Variants in GRIP2 observed in about 807,000 individuals in gnomAD.
GRIP2 encodes glutamate receptor interacting protein 2.
A neutral mutation model predicts 108.3 loss-of-function variants in GRIP2; 58 were observed. That is an observed-to-expected ratio of 0.54 (90% CI 0.43 to 0.67). GRIP2 has a LOEUF of 0.67. Ranked by LOEUF, GRIP2 falls within the 30% of genes least tolerant of loss-of-function variation. GRIP2 has a pLI of 0.00. For missense variants in GRIP2, 1,278 were observed against 1,430.6 expected (o/e 0.89, Z 1.72); for synonymous variants, 586 against 598.2 (o/e 0.98, Z 0.30).
the GRIP2 span, among the ~76,000 whole-genome samples, chr3:14,577,819 C>A: frequency 6.6e-6 from 1 of 152,210 alleles, no homozygotes; most frequent in African/African-American, 2.4e-5. Flanking sequence ...CACTGGCACA[C>A]AGTGGATGCT....
intron 10 of GRIP2, 128 bp from the exon 11 acceptor site, chr3:14,517,341 T>C (rs889376665): frequency 6.3e-6 from 6 of 948,192 alleles, no homozygotes; most frequent in Non-Finnish European, 9.1e-6. Context: ...CATCAGTTAC[T>C]CATTGTGTGA....
At chr3:14,530,245 A>G (rs34509812) in intron 1 of GRIP2, among the ~76,000 whole-genome samples, 16,091 of 152,280 alleles carry the variant, frequency 0.11, 1,034 homozygotes, top group Non-Finnish European at 0.14. Context: ...TCTCAGTACC[A>G]ACTTGGGAAA....
At chr3:14,504,235 T>C (rs1039405069) in intron 20 of GRIP2, among the ~76,000 whole-genome samples, 4 of 152,138 alleles carry the variant, frequency 2.6e-5, no homozygotes, top group African/African-American at 9.7e-5. Flanking sequence ...ATTTTGACAC[T>C]TCGCAAAGCC....
At chr3:14,551,541 A>T (rs1478811588) in intron 1 of GRIP2, among the ~76,000 whole-genome samples, 1 of 152,010 alleles carries the variant, frequency 6.6e-6, no homozygotes, top group Non-Finnish European at 1.5e-5. Flanking sequence ...TCCTGTGGGG[A>T]GCGGGGCTCA....
At chr3:14,590,291 T>C in the GRIP2 span, among the ~76,000 whole-genome samples, 2 of 152,236 alleles carry the variant, frequency 1.3e-5, no homozygotes, top group Non-Finnish European at 2.9e-5. Flanking sequence ...ACTTTTCTTA[T>C]TGATTTGCAG....
At chr3:14,554,213 C>T (rs1695197898) in intron 1 of GRIP2, among the ~76,000 whole-genome samples, 1 of 152,214 alleles carries the variant, frequency 6.6e-6, no homozygotes, top group Non-Finnish European at 1.5e-5. Context: ...TCCAAGGCCA[C>T]ACAGGGAGTA....
upstream of GRIP2, chr3:14,556,128 C>A: frequency 2.5e-6 from 1 of 395,966 alleles, no homozygotes; most frequent in Non-Finnish European, 4.4e-6. Context: ...CCGGAGCCAG[C>A]GGTGGCATTG....
chr3:14,517,494 C>CTTTTTTTTTTTTTTT lies in GRIP2; in HGVS notation c.1156+263_1156+277dup, dbSNP rs146509076. On this transcript the variant is annotated intron_variant, in intron 10 of 23. Coordinates refer to ENST00000621039, the MANE Select transcript of GRIP2 (RefSeq NM_001080423.4). ...GAGGCAGGCCACCTAATCTCTCTCTCTTTTTTTTTTTTTTTTTTTTTTTTT... is the reference window on the plus strand; with the variant it reads ...GAGGCAGGCCACCTAATCTCTCTCTCTTTTTTTTTTTTTTTTTTTTTTTTTTTTTTTTTTTTTTTT... Among the ~76,000 whole-genome samples the CTTTTTTTTTTTTTTT allele has an allele frequency of 6.5e-5, 7 of 107,754 alleles. 3 individuals are homozygous for CTTTTTTTTTTTTTTT. The highest frequency in any genetic ancestry group is 7.6e-5 in the African/African-American group (2 of 26,268). 70.7% of individuals were successfully genotyped at this position (107,754 alleles called of 152,430 possible).
At position 14,491,878 on chromosome 3, in the gene GRIP2, C is replaced by G. The variant is rs542880867; in HGVS notation, c.*1787G>C. 6.6e-6 allele frequency: 1 copy of G among 152,400 alleles called. No homozygotes were observed. The highest frequency in any genetic ancestry group is 1.9e-4 in the East Asian group (1 of 5,178). The allele number at this position is 152,400 out of a possible 1,614,324, so 9.4% of individuals were successfully genotyped here. A position where few individuals can be genotyped will look rare whatever the true frequency, so the allele number is the denominator to read the frequency against. ...TTGGCTTTCACTTGGTGCCCTGTGA[C>G]AGGTAGACAGTGCCCTTTCACTCTG... is the stretch of plus-strand genomic sequence containing the variant. On this transcript the variant is annotated 3_prime_UTR_variant, in exon 24 of 24. Coordinates refer to ENST00000621039, the MANE Select transcript of GRIP2 (RefSeq NM_001080423.4).
At chr3:14,600,287 T>G in the GRIP2 span, among the ~76,000 whole-genome samples, 1 of 152,202 alleles carries the variant, frequency 6.6e-6, no homozygotes, top group Non-Finnish European at 1.5e-5. Flanking sequence ...AGAACTGGCA[T>G]TTCTTAAGCA....
intron 2 of GRIP2, 52 bp from the exon 3 acceptor site, chr3:14,525,624 G>A: frequency 1.2e-6 from 2 of 1,606,272 alleles, no homozygotes; most frequent in South Asian, 2.2e-5. Flanking sequence ...GCCACCCCAG[G>A]CCCCCAGCTC....
Position 14,540,234 on chromosome 3 carries a change from C to G in GRIP2, c.40+35G>C. 1 of 1,611,354 alleles carries G rather than the reference C, an allele frequency of 6.2e-7. No homozygotes were observed. The highest frequency in any genetic ancestry group is 8.5e-7 in the Non-Finnish European group (1 of 1,178,378). Reference sequence around the variant, plus strand: ...CTCCAGAGGGATCTATGTGTTCAGCCCCATCACTCTGCCCACAGACCCCCC... The same window carrying G: ...CTCCAGAGGGATCTATGTGTTCAGCGCCATCACTCTGCCCACAGACCCCCC... On this transcript the variant is annotated intron_variant, in intron 1 of 23. Transcript: ENST00000621039. This position sits in a 1 kb window ranked among gnomAD's most constrained non-coding sequence, Gnocchi z 4.1.
the GRIP2 span, among the ~76,000 whole-genome samples, chr3:14,571,015 C>T: frequency 2.6e-5 from 4 of 152,162 alleles, no homozygotes; most frequent in East Asian, 7.7e-4. Flanking sequence ...TTGGCAGCAT[C>T]CCTGTCCCCT....
rs374763561 is a variant in GRIP2 at position 14,511,798 on chromosome 3, C to T, written c.1721-319G>A. Among the ~76,000 whole-genome samples, 7 of 152,222 alleles carry T rather than the reference C, an allele frequency of 4.6e-5. No homozygotes were observed. Among genetic ancestry groups the T allele is most frequent in the Non-Finnish European group, 7.3e-5 (5 of 68,048 alleles). ...GCTCAGCCCATCCCCCAGCAAACTG[C>T]GAGCTCTTTGTGGAGGGGGGCTGTC... On this transcript the variant is annotated intron_variant, in intron 14 of 23. Coordinates refer to ENST00000621039, the MANE Select transcript of GRIP2 (RefSeq NM_001080423.4). The surrounding 1 kb of genome is among the most constrained non-coding windows in gnomAD (Gnocchi z 4.1).
rs577829471 is a variant in GRIP2, at chr3:14,509,710, T to G, written c.2078+110A>C. 3.6e-6 allele frequency: 4 copies of G among 1,117,314 alleles called. No homozygotes were observed. The Admixed American group carries it at 1.5e-4, about 43-fold the overall frequency. 69.2% of individuals were successfully genotyped at this position (1,117,314 alleles called of 1,614,324 possible). On this transcript the variant is annotated intron_variant, in intron 17 of 23. Coordinates refer to ENST00000621039, the MANE Select transcript of GRIP2 (RefSeq NM_001080423.4). ...GTGACTGGCCCAATGTCACCCACAG[T>G]GTCAATGTTGGAACAGAGGTCAGAA...
chr3:14,520,253 T>A lies in GRIP2; in HGVS notation c.887A>T (p.His296Leu). The change falls in exon 9 of 24, where the codon CAC (histidine) becomes CTC (leucine). Residue 296 changes from histidine to leucine, a missense_variant. By Grantham distance (99) the His-to-Leu change is moderately conservative (BLOSUM62 -3). Coordinates refer to ENST00000621039, the MANE Select transcript of GRIP2 (RefSeq NM_001080423.4). Reference protein sequence around the residue: ...DRSGALHPGDHILSIDGTSME... With the variant: ...DRSGALHPGDLILSIDGTSME... The stretch of plus-strand genomic sequence containing the variant: ...GCTGGTGCCATCGATGGACAGGATG[T>A]GGTCTCCAGGGTGCAGGGCTCCGCT... 6.2e-7 allele frequency: 1 copy of A among 1,613,856 alleles called. No individual in the cohort carries two copies. Among genetic ancestry groups the A allele is most frequent in the Non-Finnish European group, 8.5e-7 (1 of 1,179,864 alleles).
At chr3:14,566,445 C>T in the GRIP2 span, among the ~76,000 whole-genome samples, 4 of 152,242 alleles carry the variant, frequency 2.6e-5, no homozygotes, top group East Asian at 1.9e-4. Flanking sequence ...GCAGGCATTA[C>T]GCTCATGGAT....
At chr3:14,558,320 T>C (rs1695267182), upstream of GRIP2, among the ~76,000 whole-genome samples, 1 of 152,182 alleles carries the variant, frequency 6.6e-6, no homozygotes, top group African/African-American at 2.4e-5. Flanking sequence ...TGGGCCAGGC[T>C]GTGGGCCGAG....
chr3:14,506,513 A>T (rs1445562834), intron 19 of GRIP2, among the ~76,000 whole-genome samples: 1 of 152,182 alleles, frequency 6.6e-6, no homozygotes, highest in African/African-American at 2.4e-5. Context: ...ACAGTAGAAG[A>T]AAGACCAACT....
Sources: gnomAD v4.1 joint callset for allele counts (sites outside exome capture counted in the v4.1 genomes callset) on GRCh38, gnomAD v4.1.1 for gene constraint, Gnocchi (gnomAD v3.1) non-coding constraint, MANE v1.5 for transcripts, NCBI Gene and HGNC (gene_info 2026-07-23, HGNC 2026-07-21) for gene names.